RAP1GAP: variants seen among roughly 807,000 people sequenced by gnomAD.
RAP1GAP encodes the protein RAP1 GTPase activating protein, also known as rap1 GTPase-activating protein 1.
A neutral mutation model predicts 87.2 loss-of-function variants in RAP1GAP; 35 were observed. The observed-to-expected ratio is 0.40, with a 90% CI of 0.31 to 0.53. RAP1GAP has a LOEUF of 0.53. RAP1GAP is among the 20% of genes least tolerant of loss of function. The pLI, the probability that RAP1GAP is intolerant of heterozygous loss-of-function variation, is 0.48. For missense variants in RAP1GAP, 734 were observed against 898.9 expected (o/e 0.82, Z 2.35); for synonymous variants, 375 against 363.9 (o/e 1.03, Z -0.35).
chr1:21,600,018 T>C (rs1037821786), intron 20 of RAP1GAP, among the ~76,000 whole-genome samples: 1 of 152,172 alleles, frequency 6.6e-6, no homozygotes, highest in Non-Finnish European at 1.5e-5. Context: ...ATGATTATTA[T>C]ACCCATCTTC....
intron 2 of RAP1GAP, among the ~76,000 whole-genome samples, chr1:21,635,057 C>G (rs2094461292): frequency 6.6e-6 from 1 of 152,218 alleles, no homozygotes; most frequent in Non-Finnish European, 1.5e-5. Context: ...CTCCATTCTG[C>G]CTGGAAGAAA....
At chr1:21,614,274 G>C (rs138524014) in intron 7 of RAP1GAP, among the ~76,000 whole-genome samples, 185 bp from the exon 8 acceptor site, 266 of 152,330 alleles carry the variant, frequency 1.7e-3, no homozygotes, top group Middle Eastern at 0.01. Context: ...TGACCAGCTG[G>C]GCAGCCTGAG....
intron 17 of RAP1GAP, among the ~76,000 whole-genome samples, chr1:21,607,367 T>C (rs1054663747): frequency 3.3e-5 from 5 of 152,216 alleles, no homozygotes; most frequent in African/African-American, 1.2e-4. Flanking sequence ...ATGAGGCAAG[T>C]TGCCATTACC....
chr1:21,599,404 A>C, intron 21 of RAP1GAP, 90 bp downstream of exon 21: 1 of 1,505,128 alleles, frequency 6.6e-7, no homozygotes, highest in Non-Finnish European at 8.9e-7. Context: ...AGCCACGCCC[A>C]GGCTCGTGGT....
chr1:21,604,471 A>G (rs1351219857), intron 18 of RAP1GAP, among the ~76,000 whole-genome samples: 1 of 152,142 alleles, frequency 6.6e-6, no homozygotes, highest in Non-Finnish European at 1.5e-5. Context: ...AGGAGGAAAC[A>G]CAGAGAGAGG....
Position 21,603,467 on chromosome 1 carries a change from T to G in RAP1GAP, c.1429-554A>C. ...AGGAAGGGGTAGGACCCCAGGTCAC[T>G]TCGTGGCGGGGAGGAGGAGTCAGGG... is the stretch of plus-strand genomic sequence containing the variant. On this transcript the variant is annotated intron_variant, in intron 18 of 24. Coordinates refer to ENST00000374765, the MANE Select transcript of RAP1GAP (RefSeq NM_002885.4). The surrounding 1 kb of genome is among the most constrained non-coding windows in gnomAD (Gnocchi z 6.0). The G allele has an allele frequency of 3.4e-6, 2 of 587,732 alleles. No homozygotes were observed. The highest frequency in any genetic ancestry group is 5.7e-5 in the East Asian group (2 of 35,374). The allele number at this position is 587,732 out of a possible 1,614,324, so 36.4% of individuals were successfully genotyped here. A position where few individuals can be genotyped will look rare whatever the true frequency, so the allele number is the denominator to read the frequency against.
At chr1:21,630,654 G>C (rs141759134) in intron 2 of RAP1GAP, among the ~76,000 whole-genome samples, 65 of 152,200 alleles carry the variant, frequency 4.3e-4, no homozygotes, top group African/African-American at 1.5e-3. Flanking sequence ...CTGGGCTCAA[G>C]TGATCCTTCC....
Position 21,608,729 on chromosome 1 carries a change from C to A in RAP1GAP, c.1158+121G>T, listed in dbSNP as rs540707047. 1.0e-5 allele frequency: 10 copies of A among 965,986 alleles called. No homozygotes were observed. In the East Asian group the frequency reaches 2.2e-4, roughly 21 times the overall value. The allele number at this position is 965,986 out of a possible 1,614,324, so 59.8% of individuals were successfully genotyped here. On this transcript the variant is annotated intron_variant, in intron 16 of 24. Transcript: ENST00000374765. ...CCTACTCGTCCATCAATCCATCCAG[C>A]CCCAGGTGTCCCCGCTAAGGCCAAG... is the stretch of plus-strand genomic sequence containing the variant.
chr1:21,606,227 C>T, intron 17 of RAP1GAP, 30 bp from the exon 18 acceptor site: 1 of 1,561,946 alleles, frequency 6.4e-7, no homozygotes. Context: ...GGAGGAGGCA[C>T]AGGATTCCTA....
intron 1 of RAP1GAP, chr1:21,651,842 G>C (rs1402325705): frequency 8.7e-7 from 1 of 1,145,708 alleles, no homozygotes; most frequent in Non-Finnish European, 1.1e-6. Context: ...GCCGCCGCCC[G>C]GCCCGGCCCG....
intron 13 of RAP1GAP, 59 bp from the exon 14 acceptor site, chr1:21,610,334 G>A (rs535348187): frequency 1.7e-5 from 27 of 1,589,788 alleles, no homozygotes; most frequent in Non-Finnish European, 2.2e-5. Flanking sequence ...GGGGGAGAGG[G>A]GTGCCCACGG....
rs546916082 is a variant in RAP1GAP at position 21,611,517 on chromosome 1, G to A, written c.778C>T (p.Arg260Cys). The change falls in exon 13 of 25, where the codon CGC becomes TGC. Residue 260 changes from arginine to cysteine, a missense_variant. Physicochemically the swap from Arg to Cys is radical, Grantham distance 180. Around this residue, in one of 2 missense-constraint regions of RAP1GAP, gnomAD observed 485 missense variants for 646.2 expected, o/e 0.75. Transcript: ENST00000374765. ...ACGTGAAACATGATCTCCTTGTTGCGGAAGTTGCAGTACACAGATTCGGTC... is the reference window on the plus strand; with the variant it reads ...ACGTGAAACATGATCTCCTTGTTGCAGAAGTTGCAGTACACAGATTCGGTC... ...TGTESVYCNF[R>C]NKEIMFHVST... 89 of 1,614,182 alleles carry A rather than the reference G, an allele frequency of 5.5e-5. No homozygotes were observed. Among genetic ancestry groups the A allele is most frequent in the East Asian group, 8.9e-5 (4 of 44,856 alleles).
intron 2 of RAP1GAP, among the ~76,000 whole-genome samples, chr1:21,639,373 C>A (rs2095283805): frequency 6.6e-6 from 1 of 152,164 alleles, no homozygotes; most frequent in Admixed American, 6.5e-5. Context: ...TCAGTGACAG[C>A]CTGGAAAGGT....
At chr1:21,659,745 C>A (rs2097041592) in intron 1 of RAP1GAP, among the ~76,000 whole-genome samples, 2 of 152,222 alleles carry the variant, frequency 1.3e-5, no homozygotes, top group Admixed American at 1.3e-4. Flanking sequence ...GACCTCAGTC[C>A]CTATCACCCG....
At chr1:21,599,771 C>G (rs1259286524) in intron 20 of RAP1GAP, among the ~76,000 whole-genome samples, 154 bp from the exon 21 acceptor site, 1 of 152,166 alleles carries the variant, frequency 6.6e-6, no homozygotes, top group Non-Finnish European at 1.5e-5. Flanking sequence ...TCTGAGCCCC[C>G]CAGACTCCCC....
At position 21,617,620 on chromosome 1, in the gene RAP1GAP, G is replaced by C. The variant is rs1187261093; in HGVS notation, c.106-129C>G. On this transcript the variant is annotated intron_variant, in intron 6 of 24. Transcript: ENST00000374765. ...GGTATGAGGGGACAGGCCAGAGCCT[G>C]TGTGGGCCCCAGGGTTCTGCTCCAG... is the stretch of plus-strand genomic sequence containing the variant. The C allele has an allele frequency of 1.1e-5, 12 of 1,123,720 alleles. No individual in the cohort carries two copies. The South Asian group carries it at 1.9e-4, about 18-fold the overall frequency. 69.6% of individuals were successfully genotyped at this position (1,123,720 alleles called of 1,614,324 possible).
In RAP1GAP at chr1:21,599,405, G is replaced by C. The variant is rs951712640; in HGVS notation, c.1776+89C>G. On this transcript the variant is annotated intron_variant, in intron 21 of 24. Transcript: ENST00000374765. ...CCTGATCACATCTCAGCCACGCCCA[G>C]GCTCGTGGTTCTACTCAGGGCATCT... The C allele has an allele frequency of 5.3e-6, 8 of 1,511,290 alleles. No individual in the cohort carries two copies. The Admixed American group carries it at 6.2e-5, about 12-fold the overall frequency. 93.6% of individuals were successfully genotyped at this position (1,511,290 alleles called of 1,614,324 possible).
chr1:21,628,508 A>G lies in RAP1GAP; in HGVS notation c.-112-2111T>C, dbSNP rs564924075. On this transcript the variant is annotated intron_variant, in intron 2 of 24. Coordinates refer to ENST00000374765, the MANE Select transcript of RAP1GAP (RefSeq NM_002885.4). ...GCCGAGGTGGGCAGATCATGAGGTC[A>G]AGAGATCCCGAGAACATCCTGGCCA... is the stretch of plus-strand genomic sequence containing the variant. Among the ~76,000 whole-genome samples the G allele has an allele frequency of 5.3e-5, 8 of 151,938 alleles. No individual in the cohort carries two copies. The East Asian group carries it at 1.5e-3, about 29-fold the overall frequency.
chr1:21,628,537 T>C (rs2092964585), intron 2 of RAP1GAP, among the ~76,000 whole-genome samples: 1 of 149,836 alleles, frequency 6.7e-6, no homozygotes. Context: ...CTGGCCAACA[T>C]GGTGAAACCC....
Sources: allele counts gnomAD v4.1 joint callset (sites outside exome capture counted in the v4.1 genomes callset), GRCh38; gene constraint gnomAD v4.1.1; regional missense constraint gnomAD v4.1.1; non-coding constraint Gnocchi (gnomAD v3.1); transcripts MANE v1.5; gene names NCBI Gene and HGNC (gene_info 2026-07-23, HGNC 2026-07-21).